EIF3M: variants seen among roughly 807,000 people sequenced by gnomAD.
The protein encoded by EIF3M is eukaryotic translation initiation factor 3 subunit M.
Under a neutral mutation model 49.7 loss-of-function variants are expected in EIF3M, and 25 were observed. That is an observed-to-expected ratio of 0.50 (90% CI 0.37 to 0.70). The LOEUF is 0.70. Ranked by LOEUF, EIF3M falls within the 30% of genes least tolerant of loss-of-function variation. The pLI, the probability that EIF3M is intolerant of heterozygous loss-of-function variation, is 0.00. For synonymous variants in EIF3M, 156 were observed against 149.8 expected (o/e 1.04, Z -0.30); for missense variants, 350 against 440.0 (o/e 0.80, Z 1.83).
chr11:32,595,961 T>C lies in EIF3M; in HGVS notation c.718-5T>C. 6.4e-7 allele frequency: 1 copy of C among 1,566,782 alleles called. No individual in the cohort carries two copies. Among genetic ancestry groups the C allele is most frequent in the South Asian group, 1.2e-5 (1 of 84,930 alleles). On this transcript the variant is annotated splice_region_variant and splice_polypyrimidine_tract_variant and intron_variant, in intron 7 of 10. Coordinates refer to ENST00000531120, the MANE Select transcript of EIF3M (RefSeq NM_006360.6). ...TGGTATCTTTTTTGTCTCTTATCTG[T>C]ATAGCTTTTAACCATTTTTGTGAGT...
chr11:32,585,842 AT>A (rs33942420), intron 1 of EIF3M, among the ~76,000 whole-genome samples: 71,330 of 150,760 alleles, frequency 0.47, 16,893 homozygotes, highest in African/African-American at 0.5. Flanking sequence ...ATGGCTTTGA[AT>A]TTTTTTTTTT....
rs374422722 is a variant in EIF3M at position 32,588,715 on chromosome 11, G to A, written c.297G>A (p.Pro99=). The A allele has an allele frequency of 6.8e-6, 11 of 1,614,074 alleles. No individual in the cohort carries two copies. The highest frequency in any genetic ancestry group is 2.2e-5 in the South Asian group (2 of 91,082). Residue 99 remains proline, a synonymous_variant, in exon 3 of 11, where the codon CCG becomes CCA. Transcript: ENST00000531120. ...TCAAATTTCGCGAAGGTGAACGCCC[G>A]TCTCTGAGACTGCAGTTGTAAGTTA... ...KLVKFREGER[P]SLRLQLLSNL...
At chr11:32,591,691 A>G (rs12292455) in intron 5 of EIF3M, 1,629 of 157,466 alleles carry the variant, frequency 0.01, 28 homozygotes, top group African/African-American at 0.037. Flanking sequence ...CAGTTCCTCT[A>G]ATGCATTTGG....
intron 8 of EIF3M, among the ~76,000 whole-genome samples, chr11:32,599,135 T>C (rs1743571166): frequency 6.6e-6 from 1 of 152,108 alleles, no homozygotes; most frequent in Non-Finnish European, 1.5e-5. Flanking sequence ...TTTTCCTTTA[T>C]TAACACTGAC....
intron 8 of EIF3M, among the ~76,000 whole-genome samples, chr11:32,597,545 C>T (rs1325243436): frequency 6.6e-6 from 1 of 152,158 alleles, no homozygotes; most frequent in Non-Finnish European, 1.5e-5. Flanking sequence ...CGTATCAGTT[C>T]AGTAAATGTT....
rs1347207559 is a variant in EIF3M, at chr11:32,603,759, C to G, written c.*1360C>G. Reference sequence around the variant, plus strand: ...CAATCTTTGATGTTTTTGAGAGATTCCCAGATAAAATTTTCTCTTCAAAAG... The same window carrying G: ...CAATCTTTGATGTTTTTGAGAGATTGCCAGATAAAATTTTCTCTTCAAAAG... On this transcript the variant is annotated 3_prime_UTR_variant, in exon 11 of 11. Coordinates refer to ENST00000531120, the MANE Select transcript of EIF3M (RefSeq NM_006360.6). The G allele has an allele frequency of 2.0e-5, 3 of 152,132 alleles. No individual in the cohort carries two copies. Among genetic ancestry groups the G allele is most frequent in the African/African-American group, 7.2e-5 (3 of 41,432 alleles). The allele number at this position is 152,132 out of a possible 1,614,324, so 9.4% of individuals were successfully genotyped here. A position where few individuals can be genotyped will look rare whatever the true frequency, so the allele number is the denominator to read the frequency against.
intron 3 of EIF3M, 35 bp downstream of exon 3, chr11:32,588,767 A>G (rs752585370): frequency 4.3e-6 from 7 of 1,612,340 alleles, no homozygotes; most frequent in East Asian, 2.2e-5. Context: ...CAGTTTTTCT[A>G]GGTGCTTTTT....
intron 5 of EIF3M, among the ~76,000 whole-genome samples, chr11:32,591,271 C>A (rs529534766): frequency 1.3e-5 from 2 of 152,304 alleles, no homozygotes; most frequent in South Asian, 4.1e-4. Flanking sequence ...ACTGTAGTTG[C>A]TAAAACTGGA....
intron 9 of EIF3M, chr11:32,601,100 A>G (rs1855255285): frequency 4.1e-6 from 1 of 243,120 alleles, no homozygotes. Context: ...TTAGTATTAG[A>G]TGTGGATTTA....
At chr11:32,598,806 G>A (rs1855216858) in intron 8 of EIF3M, among the ~76,000 whole-genome samples, 1 of 151,862 alleles carries the variant, frequency 6.6e-6, no homozygotes, top group Non-Finnish European at 1.5e-5. Flanking sequence ...AGAGTTGTCT[G>A]TCCATGCCAA....
In EIF3M at chr11:32,588,484, G is replaced by A. The variant is rs963326071; in HGVS notation, c.176-110G>A. Reference sequence around the variant, plus strand: ...CAAGTTGCTTTCTGAATGCGAAAGTGTCTTACATTTGATGGTCTTCATTGT... The same window carrying A: ...CAAGTTGCTTTCTGAATGCGAAAGTATCTTACATTTGATGGTCTTCATTGT... On this transcript the variant is annotated intron_variant, in intron 2 of 10. Coordinates refer to ENST00000531120, the MANE Select transcript of EIF3M (RefSeq NM_006360.6). 134 of 1,256,130 alleles carry A rather than the reference G, an allele frequency of 1.1e-4. No homozygotes were observed. The African/African-American group carries it at 1.8e-3, about 17-fold the overall frequency. The allele number at this position is 1,256,130 out of a possible 1,614,324, so 77.8% of individuals were successfully genotyped here.
At chr11:32,601,047 A>C in intron 9 of EIF3M, 1 of 445,320 alleles carries the variant, frequency 2.2e-6, no homozygotes. Context: ...ACGTAGAACA[A>C]AGACGTTTAG....
intron 8 of EIF3M, among the ~76,000 whole-genome samples, chr11:32,598,002 A>C (rs1565050437): frequency 6.6e-6 from 1 of 152,210 alleles, no homozygotes; most frequent in Admixed American, 6.5e-5. Context: ...GAAATACACC[A>C]AGATAAAGTA....
At chr11:32,592,552 G>T in intron 5 of EIF3M, 1 of 543,632 alleles carries the variant, frequency 1.8e-6, no homozygotes, top group South Asian at 1.4e-5. Context: ...TTGTGTGGTT[G>T]AGCACACATT....
At chr11:32,599,826 T>G (rs577747036) in intron 8 of EIF3M, among the ~76,000 whole-genome samples, 1 of 152,046 alleles carries the variant, frequency 6.6e-6, no homozygotes, top group South Asian at 2.1e-4. Flanking sequence ...AGCACTGCTA[T>G]TTTTTGACTA....
At chr11:32,585,597 A>T (rs1342757167) in intron 1 of EIF3M, among the ~76,000 whole-genome samples, 1 of 152,216 alleles carries the variant, frequency 6.6e-6, no homozygotes, top group South Asian at 2.1e-4. Flanking sequence ...GTTCTTAGAA[A>T]AAGTTTGCTG....
chr11:32,585,093 C>T (rs1175295094), intron 1 of EIF3M, among the ~76,000 whole-genome samples: 1 of 152,112 alleles, frequency 6.6e-6, no homozygotes, highest in African/African-American at 2.4e-5. Flanking sequence ...CCCCTCTCTC[C>T]TCCCCCCGCC....
chr11:32,600,906 T>C, intron 9 of EIF3M, 74 bp downstream of exon 9: 1 of 1,497,994 alleles, frequency 6.7e-7, no homozygotes, highest in Non-Finnish European at 8.9e-7. Context: ...AAGATTTTTA[T>C]CTGGAAACTG....
rs868817359 is a variant in EIF3M at position 32,600,832 on chromosome 11, G to A, written c.943G>A (p.Ala315Thr). 5.6e-6 allele frequency: 9 copies of A among 1,597,328 alleles called. No homozygotes were observed. Among genetic ancestry groups the A allele is most frequent in the South Asian group, 2.3e-5 (2 of 87,876 alleles). Residue 315 changes from alanine to threonine, a missense_variant and splice_region_variant, in exon 9 of 11, where the codon GCC becomes ACC. Coordinates refer to ENST00000531120, the MANE Select transcript of EIF3M (RefSeq NM_006360.6). Reference sequence around the variant, plus strand: ...TGATGTTGAAGCATTTGTTATTGACGGTAAGGCAGACAGAACATTTTCATT... The same window carrying A: ...TGATGTTGAAGCATTTGTTATTGACAGTAAGGCAGACAGAACATTTTCATT... ...ADDVEAFVID[A>T]VRTKMVYCKI...
Sources: gnomAD v4.1 joint callset for allele counts (sites outside exome capture counted in the v4.1 genomes callset) on GRCh38, gnomAD v4.1.1 for gene constraint, MANE v1.5 for transcripts, NCBI Gene and HGNC (gene_info 2026-07-23, HGNC 2026-07-21) for gene names.